NF2: variants seen among roughly 807,000 people sequenced by gnomAD.
NF2 encodes NF2, moesin-ezrin-radixin like (MERLIN) tumor suppressor.
NF2 carries 8 observed loss-of-function variants against 83.7 expected under a neutral mutation model. The observed-to-expected ratio is 0.10, with a 90% CI of 0.06 to 0.17. The LOEUF (loss-of-function observed/expected upper bound fraction) is 0.17. NF2 is among the 10% of genes least tolerant of loss of function. NF2 has a pLI of 1.00. For synonymous variants in NF2, 266 were observed against 269.6 expected (o/e 0.99, Z 0.13); for missense variants, 533 against 744.4 (o/e 0.72, Z 3.31).
At chr22:29,650,333 C>T (rs1250090373) in intron 4 of NF2, among the ~76,000 whole-genome samples, 6 of 152,088 alleles carry the variant, frequency 3.9e-5, no homozygotes, top group Non-Finnish European at 8.8e-5. Context: ...CACATTCTTG[C>T]GAACAGTAGA....
In NF2 at chr22:29,678,423, C is replaced by T. The variant is rs1051019221; in HGVS notation, c.1574+100C>T. On this transcript the variant is annotated intron_variant, in intron 14 of 15. Transcript: ENST00000338641. ...CAGAGGTGAGAGGTCGCTGCAGCAG[C>T]CTGTCATTACTCCTGCAAAGGTTTG... is the stretch of plus-strand genomic sequence containing the variant. 5 of 1,385,210 alleles carry T rather than the reference C, an allele frequency of 3.6e-6. No homozygotes were observed. The African/African-American group carries it at 5.7e-5, about 16-fold the overall frequency. The allele number at this position is 1,385,210 out of a possible 1,614,324, so 85.8% of individuals were successfully genotyped here. A position where few individuals can be genotyped will look rare whatever the true frequency, so the allele number is the denominator to read the frequency against.
intron 1 of NF2, among the ~76,000 whole-genome samples, chr22:29,616,455 A>G (rs1041842942): frequency 2.6e-5 from 4 of 152,262 alleles, no homozygotes; most frequent in Non-Finnish European, 5.9e-5. Flanking sequence ...ACATTAAAAA[A>G]TGTAACATGC....
In NF2 at chr22:29,678,188, A is replaced by G; in HGVS notation, c.1447-8A>G. Reference sequence around the variant, plus strand: ...CCAAGCTCCTAATCCGAAATTTCTCATTAACAGCCCATGAACCCAATTCCA... The same window carrying G: ...CCAAGCTCCTAATCCGAAATTTCTCGTTAACAGCCCATGAACCCAATTCCA... On this transcript the variant is annotated splice_polypyrimidine_tract_variant and splice_region_variant and intron_variant, in intron 13 of 15. Coordinates refer to ENST00000338641, the MANE Select transcript of NF2 (RefSeq NM_000268.4). 6.2e-7 allele frequency: 1 copy of G among 1,613,816 alleles called. No individual in the cohort carries two copies. Among genetic ancestry groups the G allele is most frequent in the Non-Finnish European group, 8.5e-7 (1 of 1,179,770 alleles).
chr22:29,680,965 C>A (rs192058790), intron 14 of NF2, among the ~76,000 whole-genome samples: 1 of 150,938 alleles, frequency 6.6e-6, no homozygotes. Flanking sequence ...TTGTACAGAA[C>A]GAAAAGCTGT....
At chr22:29,681,306 T>C in intron 14 of NF2, 133 bp from the exon 15 acceptor site, 1 of 1,004,118 alleles carries the variant, frequency 1.0e-6, no homozygotes, top group Non-Finnish European at 1.6e-6. Context: ...GGCCTGTGAG[T>C]GGCCAAGTAG....
chr22:29,683,028 C>T, intron 15 of NF2: 2 of 1,614,106 alleles, frequency 1.2e-6, no homozygotes, highest in Non-Finnish European at 1.7e-6. Flanking sequence ...AGCCTCAAGC[C>T]CAAGGCAGAA....
chr22:29,654,844 T>G, intron 5 of NF2, 119 bp downstream of exon 5: 1 of 816,704 alleles, frequency 1.2e-6, no homozygotes, highest in Non-Finnish European at 2.1e-6. Flanking sequence ...AATAAATATT[T>G]TGTAATCTCC....
At chr22:29,633,091 G>C (rs1027783866) in intron 1 of NF2, among the ~76,000 whole-genome samples, 2 of 152,158 alleles carry the variant, frequency 1.3e-5, no homozygotes, top group African/African-American at 4.8e-5. Context: ...TTTGGGGAAG[G>C]GCTTGTTGGA....
chr22:29,683,152 C>T (rs879086625), intron 15 of NF2: 17 of 1,613,640 alleles, frequency 1.1e-5, no homozygotes, highest in South Asian at 5.5e-5. Flanking sequence ...TCTCTGTCCT[C>T]GGGCCACACT....
At chr22:29,655,061 G>A (rs1416072882) in intron 5 of NF2, among the ~76,000 whole-genome samples, 1 of 152,136 alleles carries the variant, frequency 6.6e-6, no homozygotes. Flanking sequence ...CAGTGGCGAG[G>A]GGCGGATAGA....
intron 6 of NF2, among the ~76,000 whole-genome samples, chr22:29,657,613 TGA>T (rs2066350987): frequency 6.6e-6 from 1 of 152,216 alleles, no homozygotes; most frequent in Non-Finnish European, 1.5e-5. Flanking sequence ...TATTTCAGTA[TGA>T]TACCTGTTTG....
At chr22:29,661,037 C>T (rs2066463014) in intron 7 of NF2, among the ~76,000 whole-genome samples, 168 bp from the exon 8 acceptor site, 1 of 152,228 alleles carries the variant, frequency 6.6e-6, no homozygotes, top group African/African-American at 2.4e-5. Flanking sequence ...TCTACCTGCC[C>T]CAATTCAGAA....
intron 4 of NF2, among the ~76,000 whole-genome samples, chr22:29,643,951 G>A (rs1291449357): frequency 2.5e-4 from 33 of 132,242 alleles, no homozygotes; most frequent in Non-Finnish European, 4.6e-4. Context: ...CGGACGGGGC[G>A]GCTGGCCTGG....
In NF2 at chr22:29,644,819, G is replaced by A. The variant is rs550550014; in HGVS notation, c.447+2534G>A. Among the ~76,000 whole-genome samples, 6 of 152,308 alleles carry A rather than the reference G, an allele frequency of 3.9e-5. No individual in the cohort carries two copies. The East Asian group carries it at 9.7e-4, about 25-fold the overall frequency. ...GCCTGCAATTGCAGGCACTCGGCAG[G>A]CTGAGGCAGGAGAATCAGGCAGGGA... is the stretch of plus-strand genomic sequence containing the variant. On this transcript the variant is annotated intron_variant, in intron 4 of 15. Coordinates refer to ENST00000338641, the MANE Select transcript of NF2 (RefSeq NM_000268.4).
chr22:29,673,821 G>C (rs918798859), intron 12 of NF2, among the ~76,000 whole-genome samples: 1 of 152,194 alleles, frequency 6.6e-6, no homozygotes, highest in Non-Finnish European at 1.5e-5. Flanking sequence ...GATGTGAGGA[G>C]GCTCTTTGTG....
rs563567208 is a variant in NF2, at chr22:29,697,068, C to G, written c.*2266C>G. ...CTGACCTCAGGTGATCCTCCCACCCCGGCTTCCCAAAGTTCTGGGATTATA... is the reference window on the plus strand; with the variant it reads ...CTGACCTCAGGTGATCCTCCCACCCGGGCTTCCCAAAGTTCTGGGATTATA... On this transcript the variant is annotated 3_prime_UTR_variant, in exon 16 of 16. Coordinates refer to ENST00000338641, the MANE Select transcript of NF2 (RefSeq NM_000268.4). 5.2e-6 allele frequency: 1 copy of G among 192,548 alleles called. No individual in the cohort carries two copies. Among genetic ancestry groups the G allele is most frequent in the East Asian group, 8.1e-5 (1 of 12,404 alleles). The allele number at this position is 192,548 out of a possible 1,614,324, so 11.9% of individuals were successfully genotyped here.
intron 4 of NF2, among the ~76,000 whole-genome samples, chr22:29,651,425 C>T (rs997223245): frequency 6.6e-6 from 1 of 152,152 alleles, no homozygotes; most frequent in African/African-American, 2.4e-5. Context: ...AAATTAGGTA[C>T]AGGCATATGA....
intron 15 of NF2, among the ~76,000 whole-genome samples, chr22:29,685,897 C>G (rs1049199396): frequency 8.6e-5 from 13 of 151,908 alleles, no homozygotes; most frequent in Admixed American, 2.6e-4. Flanking sequence ...TCTGATTAAC[C>G]GAGGTTCCTA....
chr22:29,653,038 GCCTCCCAAAGT>G, intron 4 of NF2, among the ~76,000 whole-genome samples: 1 of 152,080 alleles, frequency 6.6e-6, no homozygotes. Context: ...TCCCATTTTG[GCCTCCCAAAGT>G]CCTAGGATTA....
Sources: gnomAD v4.1 joint callset for allele counts (sites outside exome capture counted in the v4.1 genomes callset) on GRCh38, gnomAD v4.1.1 for gene constraint, MANE v1.5 for transcripts, NCBI Gene and HGNC (gene_info 2026-07-23, HGNC 2026-07-21) for gene names.